CLVS1: variants seen among roughly 807,000 people sequenced by gnomAD.
CLVS1 encodes clavesin-1.
In CLVS1, 10 loss-of-function variants were observed where a neutral mutation model predicts 33.1. The ratio of observed to expected loss-of-function variants is 0.30; its 90% CI spans 0.19 to 0.51. The LOEUF is 0.51. CLVS1 is among the 20% of genes least tolerant of loss of function. The pLI is 0.97. For missense variants in CLVS1, 343 were observed against 433.4 expected (o/e 0.79, Z 1.85); for synonymous variants, 163 against 166.1 (o/e 0.98, Z 0.14).
At chr8:61,355,442 T>G (rs1307740953) in intron 2 of CLVS1, among the ~76,000 whole-genome samples, 2 of 152,106 alleles carry the variant, frequency 1.3e-5, no homozygotes, top group African/African-American at 4.8e-5. Context: ...ACTTAAAGTT[T>G]TAGGGTACAT....
chr8:61,037,501 T>C, the CLVS1 span, among the ~76,000 whole-genome samples: 1 of 152,346 alleles, frequency 6.6e-6, no homozygotes, highest in East Asian at 1.9e-4. Context: ...CCCTTGTATT[T>C]ATGTGCCACA....
At chr8:61,370,007 A>G (rs1290458405) in intron 2 of CLVS1, among the ~76,000 whole-genome samples, 3 of 152,210 alleles carry the variant, frequency 2.0e-5, no homozygotes, top group African/African-American at 7.2e-5. Context: ...AAATGAGATG[A>G]AGAGAGGAAG....
chr8:61,252,511 GT>G (rs1808971946), intron 2 of CLVS1, among the ~76,000 whole-genome samples: 1 of 152,186 alleles, frequency 6.6e-6, no homozygotes, highest in African/African-American at 2.4e-5. Context: ...AATATTGACA[GT>G]GGGGTGTTAA....
the CLVS1 span, among the ~76,000 whole-genome samples, chr8:61,019,281 C>T: frequency 1.5e-4 from 23 of 152,146 alleles, no homozygotes; most frequent in Admixed American, 1.1e-3. Context: ...CCTGGCTGAA[C>T]GAACTCACTT....
At chr8:61,287,742 C>T (rs1368186337), upstream of CLVS1, among the ~76,000 whole-genome samples, 1 of 152,164 alleles carries the variant, frequency 6.6e-6, no homozygotes, top group Non-Finnish European at 1.5e-5. Context: ...CACACACACA[C>T]AGACACACAC....
intron 1 of CLVS1, among the ~76,000 whole-genome samples, chr8:61,106,552 G>C (rs1417218650): frequency 6.6e-6 from 1 of 152,188 alleles, no homozygotes; most frequent in Admixed American, 6.5e-5. Flanking sequence ...CACGGAGTCC[G>C]GGCCTGCCCA....
At chr8:61,376,926 C>G in intron 3 of CLVS1, 147 bp downstream of exon 3, 1 of 655,896 alleles carries the variant, frequency 1.5e-6, no homozygotes, top group Non-Finnish European at 2.4e-6. Context: ...TTTGCCTCAG[C>G]CAGAGTTTTA....
the CLVS1 span, among the ~76,000 whole-genome samples, chr8:61,030,047 C>T: frequency 6.6e-6 from 1 of 152,208 alleles, no homozygotes; most frequent in African/African-American, 2.4e-5. Flanking sequence ...TCTGGCCCAG[C>T]CGGCCTCTGC....
intron 1 of CLVS1, among the ~76,000 whole-genome samples, chr8:61,059,192 ACCTTAG>A (rs1804533250): frequency 6.6e-6 from 1 of 151,938 alleles, no homozygotes; most frequent in African/African-American, 2.4e-5. Flanking sequence ...GTTCCTCCAT[ACCTTAG>A]CCAAAAATTG....
At chr8:61,249,693 G>GT (rs1432506517) in intron 2 of CLVS1, among the ~76,000 whole-genome samples, 4 of 152,118 alleles carry the variant, frequency 2.6e-5, no homozygotes, top group South Asian at 2.1e-4. Context: ...ATTTTTTCAT[G>GT]TTTGTTGGCT....
the CLVS1 span, among the ~76,000 whole-genome samples, chr8:61,033,126 GGAAAGAAA>G: frequency 8.7e-5 from 6 of 68,732 alleles, no homozygotes; most frequent in South Asian, 4.9e-4. Flanking sequence ...AAGGAAGAAA[GGAAAGAAA>G]GAAAGAAAGA....
chr8:61,364,156 C>T (rs922705935), intron 2 of CLVS1, among the ~76,000 whole-genome samples: 2 of 152,190 alleles, frequency 1.3e-5, no homozygotes, highest in Admixed American at 1.3e-4. Context: ...GATGATCAAG[C>T]CACCTATCAT....
chr8:61,340,681 G>A (rs1024092747), intron 2 of CLVS1, among the ~76,000 whole-genome samples: 2 of 152,182 alleles, frequency 1.3e-5, no homozygotes, highest in Non-Finnish European at 2.9e-5. Context: ...CTGACTGCAT[G>A]TCTTTGGCTA....
At chr8:61,239,781 G>A (rs1411026037) in intron 2 of CLVS1, among the ~76,000 whole-genome samples, 1 of 152,134 alleles carries the variant, frequency 6.6e-6, no homozygotes, top group Non-Finnish European at 1.5e-5. Context: ...TTTTGAAAGT[G>A]CTTCCTCTGA....
intron 2 of CLVS1, among the ~76,000 whole-genome samples, chr8:61,302,016 A>T (rs897377801): frequency 3.3e-5 from 5 of 152,150 alleles, no homozygotes; most frequent in Non-Finnish European, 7.4e-5. Context: ...ACCTAAAAAT[A>T]TATCAACCCC....
intron 2 of CLVS1, among the ~76,000 whole-genome samples, chr8:61,160,437 C>T (rs1476943286): frequency 5.9e-5 from 9 of 152,146 alleles, no homozygotes; most frequent in Non-Finnish European, 1.5e-5. Context: ...CAGGGCCTTC[C>T]TAATGCCTGC....
intron 2 of CLVS1, among the ~76,000 whole-genome samples, chr8:61,341,765 T>A (rs1481595533): frequency 6.6e-6 from 1 of 152,216 alleles, no homozygotes; most frequent in Non-Finnish European, 1.5e-5. Flanking sequence ...GCCAGGGTTG[T>A]ACTAACAGAT....
intron 1 of CLVS1, among the ~76,000 whole-genome samples, chr8:61,096,780 A>G (rs1240642027): frequency 6.6e-6 from 1 of 152,200 alleles, no homozygotes; most frequent in African/African-American, 2.4e-5. Flanking sequence ...GAAGACGGTC[A>G]TCACAGCTCC....
intron 1 of CLVS1, among the ~76,000 whole-genome samples, chr8:61,294,123 G>A (rs2129594051): frequency 6.6e-6 from 1 of 152,242 alleles, no homozygotes; most frequent in South Asian, 2.1e-4. Flanking sequence ...CTTTAGGACT[G>A]ACAGGGTGTG....
Sources: allele counts gnomAD v4.1 joint callset (sites outside exome capture counted in the v4.1 genomes callset), GRCh38; gene constraint gnomAD v4.1.1; transcripts MANE v1.5; gene names NCBI Gene and HGNC (gene_info 2026-07-23, HGNC 2026-07-21).